Variants in WFS1 observed in about 807,000 individuals in gnomAD.
WFS1 encodes the protein wolframin ER transmembrane glycoprotein, also known as wolframin.
In WFS1, 90 loss-of-function variants were observed where a neutral mutation model predicts 68.5. The observed-to-expected ratio is 1.31, with a 90% CI of 1.11 to 1.56. WFS1 has a LOEUF of 1.56. Ranked by LOEUF, WFS1 falls within the 40% of genes most tolerant of loss-of-function variation. The pLI, the probability that WFS1 is intolerant of heterozygous loss-of-function variation, is 0.00. For synonymous variants in WFS1, 860 were observed against 540.7 expected (o/e 1.59, Z -8.19); for missense variants, 1,767 against 1,232.6 (o/e 1.43, Z -6.49).
chr4:6,299,870 G>A (rs1185683522), intron 7 of WFS1, among the ~76,000 whole-genome samples: 1 of 138,572 alleles, frequency 7.2e-6, no homozygotes, highest in African/African-American at 2.8e-5. Context: ...TGTGTGTAGG[G>A]GTGGGCTGCA....
At position 6,287,272 on chromosome 4, in the gene WFS1, T is replaced by A. The variant is rs1730342113; in HGVS notation, c.315+97T>A. The stretch of plus-strand genomic sequence containing the variant: ...CAGCCCACAGAGAAGTGTCGGTGCC[T>A]GAGATCGGGGTCAGGAGCCAGCGTG... On this transcript the variant is annotated intron_variant, in intron 3 of 7. Coordinates refer to ENST00000226760, the MANE Select transcript of WFS1 (RefSeq NM_006005.3). This position sits in a 1 kb window ranked among gnomAD's most constrained non-coding sequence, Gnocchi z 6.4. The A allele has an allele frequency of 8.6e-7, 1 of 1,168,004 alleles. No homozygotes were observed. Among genetic ancestry groups the A allele is most frequent in the African/African-American group, 1.5e-5 (1 of 65,672 alleles). The allele number at this position is 1,168,004 out of a possible 1,614,324, so 72.4% of individuals were successfully genotyped here. A position where few individuals can be genotyped will look rare whatever the true frequency, so the allele number is the denominator to read the frequency against.
intron 2 of WFS1, among the ~76,000 whole-genome samples, chr4:6,282,892 C>T (rs945435999): frequency 6.6e-6 from 1 of 152,232 alleles, no homozygotes; most frequent in African/African-American, 2.4e-5. Flanking sequence ...GGAGAGAGGG[C>T]AGCTGCAGGC....
intron 2 of WFS1, among the ~76,000 whole-genome samples, chr4:6,278,845 T>C (rs1670369109): frequency 6.6e-6 from 1 of 152,248 alleles, no homozygotes; most frequent in African/African-American, 2.4e-5. Flanking sequence ...CCCCGGGATT[T>C]GGGCCCAGCC....
At chr4:6,288,762 G>C (rs113708310) in intron 3 of WFS1, 2 of 630,292 alleles carry the variant, frequency 3.2e-6, no homozygotes, top group East Asian at 5.9e-5. Context: ...CTCCCTCGCC[G>C]TGTGGATGGG....
At chr4:6,293,251 G>A (rs1322550800) in intron 6 of WFS1, among the ~76,000 whole-genome samples, 1 of 152,176 alleles carries the variant, frequency 6.6e-6, no homozygotes, top group Non-Finnish European at 1.5e-5. Context: ...GGGCACACCT[G>A]CTGCTGGGCC....
rs368470086 is a variant in WFS1 at position 6,300,647 on chromosome 4, T to G, written c.862-10T>G. The stretch of plus-strand genomic sequence containing the variant: ...CCCAGCCTCGTTCCCACGTACCATC[T>G]TTCCCCCAGGTGGTCAAGTACCCCC... On this transcript the variant is annotated splice_polypyrimidine_tract_variant and intron_variant, in intron 7 of 7. Coordinates refer to ENST00000226760, the MANE Select transcript of WFS1 (RefSeq NM_006005.3). The G allele has an allele frequency of 3.7e-6, 6 of 1,613,690 alleles. No homozygotes were observed. The African/African-American group carries it at 4.0e-5, about 11-fold the overall frequency.
At position 6,301,203 on chromosome 4, in the gene WFS1, C is replaced by G. The variant is rs780240556; in HGVS notation, c.1408C>G (p.Leu470Val). The part of the protein sequence containing the change: ...ATEVTAGLLS[L>V]LPSMPLNWPY... ...CGAGGTCACCGCCGGCCTGCTATCG[C>G]TGCTGCCCTCCATGCCCTTGAATTG... Residue 470 changes from leucine to valine, a missense_variant, in exon 8 of 8, where the codon CTG becomes GTG. Coordinates refer to ENST00000226760, the MANE Select transcript of WFS1 (RefSeq NM_006005.3). 4.3e-6 allele frequency: 7 copies of G among 1,612,310 alleles called. No individual in the cohort carries two copies. Among genetic ancestry groups the G allele is most frequent in the East Asian group, 2.2e-5 (1 of 44,880 alleles).
chr4:6,270,362 C>G (rs867174657), intron 1 of WFS1, among the ~76,000 whole-genome samples: 308 of 151,700 alleles, frequency 2.0e-3, no homozygotes, highest in African/African-American at 6.9e-3. Flanking sequence ...CGCCATCCCC[C>G]CCGAGTTGCC....
chr4:6,300,621 T>C (rs774184733), intron 7 of WFS1, 36 bp from the exon 8 acceptor site: 3 of 1,613,308 alleles, frequency 1.9e-6, no homozygotes, highest in East Asian at 4.5e-5. Context: ...GGGGGTCCTG[T>C]CCCAGCCTCG....
At chr4:6,299,449 GGTGTGCATGTGTGA>G (rs1269305836) in intron 7 of WFS1, among the ~76,000 whole-genome samples, 3 of 151,762 alleles carry the variant, frequency 2.0e-5, no homozygotes, top group Non-Finnish European at 4.4e-5. Flanking sequence ...TGTAGGGGTG[GGTGTGCATGTGTGA>G]GGGTGCACGT....
intron 1 of WFS1, among the ~76,000 whole-genome samples, chr4:6,276,347 C>A (rs1450931712): frequency 6.6e-6 from 1 of 152,176 alleles, no homozygotes; most frequent in Non-Finnish European, 1.5e-5. Context: ...TTCCATGTTG[C>A]TAAGCAGCAT....
Position 6,277,656 on chromosome 4 carries a change from T to C in WFS1, c.201T>C (p.His67=). The C allele has an allele frequency of 1.3e-6, 2 of 1,565,264 alleles. No homozygotes were observed. Among genetic ancestry groups the C allele is most frequent in the Non-Finnish European group, 1.7e-6 (2 of 1,155,400 alleles). The part of the protein sequence containing the change: ...AAAPAEPQAQ[H]TRSRERADGT... ...CCCCCGCTGAACCCCAGGCCCAGCA[T>C]ACCAGGAGCCGGGAAAGAGCAGACG... Residue 67 remains histidine, a synonymous_variant, in exon 2 of 8, where the codon CAT becomes CAC. Coordinates refer to ENST00000226760, the MANE Select transcript of WFS1 (RefSeq NM_006005.3).
chr4:6,289,880 T>C (rs1730414449), intron 4 of WFS1, among the ~76,000 whole-genome samples: 1 of 152,208 alleles, frequency 6.6e-6, no homozygotes, highest in Admixed American at 6.5e-5. Flanking sequence ...AAGATACAAA[T>C]TACTCATAAC....
intron 1 of WFS1, among the ~76,000 whole-genome samples, chr4:6,270,221 C>T (rs868156647): frequency 1.3e-5 from 2 of 151,916 alleles, no homozygotes; most frequent in Non-Finnish European, 2.9e-5. Context: ...ACCCCTGTTC[C>T]GGGCCCGAAC....
In WFS1 at chr4:6,295,105, C is replaced by G. The variant is rs1182006576; in HGVS notation, c.777C>G (p.Ile259Met). The G allele has an allele frequency of 1.2e-6, 2 of 1,613,390 alleles. No homozygotes were observed. The highest frequency in any genetic ancestry group is 2.7e-5 in the African/African-American group (2 of 74,928). Residue 259 changes from isoleucine to methionine, a missense_variant, in exon 7 of 8, where the codon ATC (isoleucine) becomes ATG (methionine). Transcript: ENST00000226760. ...CTAAGAAGTACGCCAAGGGCGTCAT[C>G]CCCAGCAGCCTGTTCCTGCAGGACG... ...EITKKYAKGV[I>M]PSSLFLQDDE... is the part of the protein sequence containing the mutation.
rs764128887 is a variant in WFS1, at chr4:6,301,376, C to G, written c.1581C>G (p.Thr527=). ...CACAGCTGAGGAATTTCAAGGGCACCTACTGCTACCTTGTGCCCTACCTGG... is the reference window on the plus strand; with the variant it reads ...CACAGCTGAGGAATTTCAAGGGCACGTACTGCTACCTTGTGCCCTACCTGG... ...RMAQLRNFKG[T]YCYLVPYLVC... Residue 527 remains threonine, a synonymous_variant, in exon 8 of 8, where the codon ACC becomes ACG. Transcript: ENST00000226760. 1.2e-6 allele frequency: 2 copies of G among 1,612,576 alleles called. No individual in the cohort carries two copies. The highest frequency in any genetic ancestry group is 1.7e-6 in the Non-Finnish European group (2 of 1,180,034).
intron 4 of WFS1, among the ~76,000 whole-genome samples, chr4:6,289,477 G>C (rs769922113): frequency 1.3e-5 from 2 of 152,260 alleles, no homozygotes; most frequent in Non-Finnish European, 2.9e-5. Flanking sequence ...ACTGTAATGT[G>C]GCCTGCAGTC....
At chr4:6,288,792 C>A in intron 3 of WFS1, 195 bp from the exon 4 acceptor site, 1 of 760,936 alleles carries the variant, frequency 1.3e-6, no homozygotes, top group Non-Finnish European at 2.2e-6. Context: ...CCTTCCTCAC[C>A]GTGTTTTGAG....
At chr4:6,278,313 G>A (rs765228820) in intron 2 of WFS1, among the ~76,000 whole-genome samples, 1 of 152,226 alleles carries the variant, frequency 6.6e-6, no homozygotes, top group Non-Finnish European at 1.5e-5. Flanking sequence ...GGGTGGTGAT[G>A]TGAGGGTGGT....
Sources: allele counts gnomAD v4.1 joint callset (sites outside exome capture counted in the v4.1 genomes callset), GRCh38; gene constraint gnomAD v4.1.1; non-coding constraint Gnocchi (gnomAD v3.1); transcripts MANE v1.5; gene names NCBI Gene and HGNC (gene_info 2026-07-23, HGNC 2026-07-21).